The following TFDP2 variants were observed in gnomAD, a reference collection of about 807,000 sequenced individuals.
TFDP2 encodes transcription factor Dp-2 (E2F dimerization partner 2).
TFDP2 carries 17 observed loss-of-function variants against 59.3 expected under a neutral mutation model. That is an observed-to-expected ratio of 0.29 (90% CI 0.20 to 0.43). The LOEUF is 0.43. TFDP2 is among the 20% of genes least tolerant of loss of function. TFDP2 has a pLI of 1.00. For synonymous variants in TFDP2, 180 were observed against 194.7 expected (o/e 0.92, Z 0.63); for missense variants, 391 against 528.8 (o/e 0.74, Z 2.56).
At chr3:142,122,138 T>C (rs745549704) in intron 1 of TFDP2, among the ~76,000 whole-genome samples, 24 of 152,176 alleles carry the variant, frequency 1.6e-4, no homozygotes, top group Non-Finnish European at 2.6e-4. Flanking sequence ...ATAAAAGGCA[T>C]AATAGAATAA....
At chr3:141,969,975 A>T in intron 9 of TFDP2, 98 bp downstream of exon 9, 1 of 1,215,442 alleles carries the variant, frequency 8.2e-7, no homozygotes, top group Admixed American at 1.7e-5. Flanking sequence ...GGCTCACCAC[A>T]CACCACTCAG....
intron 9 of TFDP2, among the ~76,000 whole-genome samples, chr3:141,966,205 CTCTG>C (rs1938035651): frequency 1.3e-5 from 2 of 152,022 alleles, no homozygotes; most frequent in South Asian, 4.1e-4. Flanking sequence ...CGGAGTCTCA[CTCTG>C]TTGCCCAGGC....
chr3:142,021,726 A>C (rs988777451), intron 3 of TFDP2, among the ~76,000 whole-genome samples: 1 of 152,230 alleles, frequency 6.6e-6, no homozygotes, highest in Non-Finnish European at 1.5e-5. Context: ...TGCAAGATTT[A>C]AACAGTATCT....
chr3:142,020,633 ACTTC>A (rs1181244487), intron 3 of TFDP2, among the ~76,000 whole-genome samples: 1 of 150,800 alleles, frequency 6.6e-6, no homozygotes, highest in Non-Finnish European at 1.5e-5. Context: ...AGTTACTCTG[ACTTC>A]CTTCATTTTT....
At chr3:142,001,640 A>G (rs1488891460) in intron 4 of TFDP2, among the ~76,000 whole-genome samples, 1 of 152,122 alleles carries the variant, frequency 6.6e-6, no homozygotes, top group African/African-American at 2.4e-5. Context: ...CAAGCTGAGA[A>G]TTTCCCAAAT....
intron 3 of TFDP2, among the ~76,000 whole-genome samples, chr3:142,015,681 C>T (rs2108321474): frequency 6.6e-6 from 1 of 152,324 alleles, no homozygotes; most frequent in South Asian, 2.1e-4. Flanking sequence ...CCCTACCCCA[C>T]AACTCTATTT....
intron 11 of TFDP2, among the ~76,000 whole-genome samples, chr3:141,958,389 CAA>C (rs1307232291): frequency 6.6e-6 from 1 of 151,988 alleles, no homozygotes; most frequent in African/African-American, 2.4e-5. Flanking sequence ...ATCAAATCAC[CAA>C]AGAGTATATT....
intron 4 of TFDP2, 58 bp from the exon 5 acceptor site, chr3:141,995,199 C>T: frequency 7.2e-7 from 1 of 1,380,370 alleles, no homozygotes; most frequent in Non-Finnish European, 9.6e-7. Flanking sequence ...AGCCTACAGG[C>T]AGAAAATAAC....
intron 6 of TFDP2, among the ~76,000 whole-genome samples, chr3:141,981,101 T>A (rs554189068): frequency 5.6e-4 from 86 of 152,240 alleles, no homozygotes; most frequent in Middle Eastern, 6.8e-3. Context: ...CAAGCTCCAT[T>A]CATGAAAAGT....
intron 4 of TFDP2, among the ~76,000 whole-genome samples, chr3:141,995,621 G>A (rs1277711472): frequency 2.0e-5 from 3 of 151,898 alleles, no homozygotes; most frequent in Non-Finnish European, 4.4e-5. Context: ...GCGGTGGCTC[G>A]TGCCTGTAAA....
At chr3:142,049,687 G>T (rs536298404) in intron 3 of TFDP2, among the ~76,000 whole-genome samples, 70 of 152,186 alleles carry the variant, frequency 4.6e-4, no homozygotes, top group African/African-American at 1.6e-3. Context: ...ACAAAATATT[G>T]GTCTATATGG....
intron 1 of TFDP2, among the ~76,000 whole-genome samples, chr3:142,119,176 A>T (rs1338305217): frequency 6.6e-6 from 1 of 152,170 alleles, no homozygotes; most frequent in Non-Finnish European, 1.5e-5. Context: ...AAAAAAGTAC[A>T]TTCCAAGAAA....
chr3:142,018,131 CAG>C (rs1290822410), intron 3 of TFDP2, among the ~76,000 whole-genome samples: 2 of 151,894 alleles, frequency 1.3e-5, no homozygotes, highest in Admixed American at 6.6e-5. Context: ...TCAGTAGAGA[CAG>C]GGGTCTCGTC....
chr3:142,068,609 C>A (rs1255925029), intron 3 of TFDP2, among the ~76,000 whole-genome samples: 1 of 151,620 alleles, frequency 6.6e-6, no homozygotes, highest in Non-Finnish European at 1.5e-5. Flanking sequence ...GTCACCCTGG[C>A]TGGCTGGAGT....
At chr3:141,984,371 C>A (rs1219811757) in intron 6 of TFDP2, among the ~76,000 whole-genome samples, 2 of 152,082 alleles carry the variant, frequency 1.3e-5, no homozygotes, top group South Asian at 2.1e-4. Flanking sequence ...GTGGCGCGTG[C>A]CTGTAGTCTC....
At chr3:142,127,984 C>A (rs1394041099) in intron 1 of TFDP2, among the ~76,000 whole-genome samples, 2 of 152,018 alleles carry the variant, frequency 1.3e-5, no homozygotes. Flanking sequence ...AAGGAATACC[C>A]GAGGCCAGTT....
intron 3 of TFDP2, among the ~76,000 whole-genome samples, chr3:142,040,114 AAC>A (rs61576382): frequency 0.73 from 109,790 of 150,290 alleles, 40,048 homozygotes; most frequent in South Asian, 0.79. Flanking sequence ...CACAAAATAA[AAC>A]ACACACACAC....
intron 3 of TFDP2, among the ~76,000 whole-genome samples, chr3:142,034,066 C>T (rs771544249): frequency 1.3e-5 from 2 of 151,076 alleles, no homozygotes; most frequent in Non-Finnish European, 2.9e-5. Context: ...GTATCTATAG[C>T]CACTATCTCA....
chr3:141,988,429 C>T (rs1255762746), intron 6 of TFDP2, among the ~76,000 whole-genome samples: 5 of 152,038 alleles, frequency 3.3e-5, no homozygotes, highest in African/African-American at 1.2e-4. Context: ...CCACAAACAG[C>T]AAACTACCCC....
Sources: gnomAD v4.1 joint callset for allele counts (sites outside exome capture counted in the v4.1 genomes callset) on GRCh38, gnomAD v4.1.1 for gene constraint, MANE v1.5 for transcripts, NCBI Gene and HGNC (gene_info 2026-07-23, HGNC 2026-07-21) for gene names.